Variants in ZPBP observed in about 807,000 individuals in gnomAD.
ZPBP encodes zona pellucida binding protein.
In ZPBP, 26 loss-of-function variants were observed where a neutral mutation model predicts 44.8. The ratio of observed to expected loss-of-function variants is 0.58; its 90% CI spans 0.43 to 0.81. The LOEUF (loss-of-function observed/expected upper bound fraction) is 0.81, where lower values mean the gene tolerates loss of function less well. Ranked by LOEUF, ZPBP falls within the 30% of genes least tolerant of loss-of-function variation. The pLI, the probability that ZPBP is intolerant of heterozygous loss-of-function variation, is 0.00. For synonymous variants in ZPBP, 174 were observed against 153.2 expected (o/e 1.14, Z -1.00); for missense variants, 409 against 434.0 (o/e 0.94, Z 0.51).
intron 7 of ZPBP, among the ~76,000 whole-genome samples, chr7:49,965,556 G>A (rs951872336): frequency 1.3e-5 from 2 of 152,016 alleles, no homozygotes; most frequent in Admixed American, 1.3e-4. Flanking sequence ...AAATGGAAAT[G>A]GGTATACACC....
intron 7 of ZPBP, among the ~76,000 whole-genome samples, chr7:49,981,336 A>ATAT: frequency 3.2e-4 from 4 of 12,448 alleles, no homozygotes; most frequent in Admixed American, 1.1e-3. Flanking sequence ...TATTATAATT[A>ATAT]TATATATTAT....
chr7:50,059,021 A>G (rs772356739), intron 3 of ZPBP, among the ~76,000 whole-genome samples: 1 of 152,244 alleles, frequency 6.6e-6, no homozygotes, highest in African/African-American at 2.4e-5. Context: ...AACAAATACA[A>G]TGAATGCTAA....
intron 2 of ZPBP, among the ~76,000 whole-genome samples, chr7:49,858,668 G>A (rs1431625610): frequency 6.6e-6 from 1 of 151,654 alleles, no homozygotes. Context: ...ACAAACCTGC[G>A]TTGTGCACAT....
intron 7 of ZPBP, among the ~76,000 whole-genome samples, chr7:49,962,153 A>G (rs1795886525): frequency 6.6e-6 from 1 of 151,964 alleles, no homozygotes; most frequent in Admixed American, 6.6e-5. Flanking sequence ...CATTTCTGAA[A>G]CAGCAGTGCC....
intron 6 of ZPBP, among the ~76,000 whole-genome samples, chr7:50,015,166 A>C (rs956318355): frequency 2.0e-5 from 3 of 152,132 alleles, no homozygotes; most frequent in South Asian, 4.1e-4. Context: ...GTGCTGAAGA[A>C]GAAAGAAAGA....
chr7:49,868,006 G>A (rs2128722324), intron 2 of ZPBP, among the ~76,000 whole-genome samples: 1 of 151,934 alleles, frequency 6.6e-6, no homozygotes, highest in South Asian at 2.1e-4. Context: ...ACTAATTTTT[G>A]TATTTTTAGT....
intron 5 of ZPBP, among the ~76,000 whole-genome samples, chr7:50,023,965 C>T (rs1268676583): frequency 3.3e-5 from 5 of 150,928 alleles, no homozygotes. Context: ...ATTAAAAAAA[C>T]AAGAAAAGAA....
chr7:49,993,243 A>G (rs1162096834), intron 6 of ZPBP, among the ~76,000 whole-genome samples: 1 of 152,122 alleles, frequency 6.6e-6, no homozygotes, highest in Non-Finnish European at 1.5e-5. Flanking sequence ...ATCAATCCAT[A>G]TAGAATAATA....
chr7:49,845,484 A>G (rs1789917445), downstream of ZPBP, among the ~76,000 whole-genome samples: 1 of 152,196 alleles, frequency 6.6e-6, no homozygotes, highest in Non-Finnish European at 1.5e-5. Context: ...TTCAACTGTA[A>G]AAAACACTGA....
downstream of ZPBP, among the ~76,000 whole-genome samples, chr7:49,934,485 AC>A (rs1307287570): frequency 6.6e-6 from 1 of 152,126 alleles, no homozygotes; most frequent in African/African-American, 2.4e-5. Context: ...ATTACATGAA[AC>A]AACCATTGTT....
chr7:49,974,032 C>T (rs1796403016), intron 7 of ZPBP, among the ~76,000 whole-genome samples: 1 of 151,876 alleles, frequency 6.6e-6, no homozygotes, highest in African/African-American at 2.4e-5. Flanking sequence ...CTAAAATAAG[C>T]CAGACACAAA....
intron 2 of ZPBP, among the ~76,000 whole-genome samples, chr7:49,869,988 A>T (rs1174162531): frequency 1.3e-5 from 2 of 152,240 alleles, no homozygotes; most frequent in Non-Finnish European, 2.9e-5. Context: ...AACTTGGAAC[A>T]AAATAGTGCA....
chr7:49,910,819 T>G (rs1430936679), intron 1 of ZPBP, among the ~76,000 whole-genome samples: 2 of 152,118 alleles, frequency 1.3e-5, no homozygotes, highest in African/African-American at 4.8e-5. Flanking sequence ...CTTCTCAAAG[T>G]GTATCCCCAA....
intron 7 of ZPBP, among the ~76,000 whole-genome samples, chr7:49,982,295 TATATA>T (rs1481682945): frequency 5.3e-5 from 1 of 18,798 alleles, no homozygotes; most frequent in African/African-American, 3.3e-4. Flanking sequence ...ATACATAATA[TATATA>T]ATATATAATT....
At chr7:49,969,165 T>C (rs1203955174) in intron 7 of ZPBP, among the ~76,000 whole-genome samples, 2 of 149,216 alleles carry the variant, frequency 1.3e-5, no homozygotes, top group African/African-American at 4.9e-5. Context: ...CATATTTTTA[T>C]ACATACATAT....
intron 7 of ZPBP, among the ~76,000 whole-genome samples, chr7:49,976,681 G>A (rs1442097368): frequency 6.6e-6 from 1 of 152,120 alleles, no homozygotes; most frequent in African/African-American, 2.4e-5. Context: ...TCATGGCCGG[G>A]AGAAGCACTA....
At chr7:49,867,510 A>C (rs1790950329) in intron 2 of ZPBP, among the ~76,000 whole-genome samples, 1 of 152,196 alleles carries the variant, frequency 6.6e-6, no homozygotes, top group Non-Finnish European at 1.5e-5. Flanking sequence ...AGTATGTCTC[A>C]TGTGCTGACA....
At chr7:49,938,921 T>C (rs1199759848) in intron 7 of ZPBP, among the ~76,000 whole-genome samples, 1 of 152,230 alleles carries the variant, frequency 6.6e-6, no homozygotes, top group African/African-American at 2.4e-5. Context: ...TTGGGAAATA[T>C]TTTACCATTT....
At chr7:50,068,197 C>A (rs1449051358) in intron 3 of ZPBP, among the ~76,000 whole-genome samples, 1 of 152,056 alleles carries the variant, frequency 6.6e-6, no homozygotes, top group Non-Finnish European at 1.5e-5. Context: ...TGTGGCAGAA[C>A]CTTGCTGCCC....
Sources: allele counts gnomAD v4.1 joint callset (sites outside exome capture counted in the v4.1 genomes callset), GRCh38; gene constraint gnomAD v4.1.1; transcripts MANE v1.5; gene names NCBI Gene and HGNC (gene_info 2026-07-23, HGNC 2026-07-21).